The following KIF18A variants were observed in gnomAD, a reference collection of about 807,000 sequenced individuals.
The protein encoded by KIF18A is kinesin-like protein KIF18A.
Under a neutral mutation model 103.3 loss-of-function variants are expected in KIF18A, and 67 were observed. That is an observed-to-expected ratio of 0.65 (90% CI 0.53 to 0.79). The LOEUF (loss-of-function observed/expected upper bound fraction) is 0.79, where lower values mean the gene tolerates loss of function less well. KIF18A is among the 30% of genes least tolerant of loss of function. KIF18A has a pLI of 0.00. For missense variants in KIF18A, 1,032 were observed against 1,062.5 expected (o/e 0.97, Z 0.40); for synonymous variants, 367 against 355.5 (o/e 1.03, Z -0.36).
Position 28,069,387 on chromosome 11 carries a change from T to G in KIF18A, c.1462A>C (p.Lys488Gln). 6.2e-7 allele frequency: 1 copy of G among 1,613,756 alleles called. No individual in the cohort carries two copies. Among genetic ancestry groups the G allele is most frequent in the Non-Finnish European group, 8.5e-7 (1 of 1,179,814 alleles). ...GKRDHRLAMLKTRRSYLEKRR... is the reference protein window; with the variant it reads ...GKRDHRLAMLQTRRSYLEKRR... ...TTCTCCAGGTAGGAGCGACGAGTTT[T>G]CAACATTGCAAGTCTATGATCTCGT... The change falls in exon 11 of 17, where the codon AAA (lysine) becomes CAA (glutamine). Residue 488 changes from lysine (K) to glutamine (Q), a missense_variant. Physicochemically the swap from Lys to Gln is moderately conservative, Grantham distance 53. Transcript: ENST00000263181.
At chr11:28,078,217 T>C (rs939637600) in intron 9 of KIF18A, among the ~76,000 whole-genome samples, 4 of 152,096 alleles carry the variant, frequency 2.6e-5, no homozygotes, top group Non-Finnish European at 4.4e-5. Flanking sequence ...TGAAACTCTA[T>C]TGGGAATGAA....
chr11:28,107,117 C>T (rs1190590018), intron 1 of KIF18A, among the ~76,000 whole-genome samples: 2 of 152,116 alleles, frequency 1.3e-5, no homozygotes. Context: ...TAATAAGAAG[C>T]ACTATCTAGT....
rs1411118134 is a variant in KIF18A at position 28,106,827 on chromosome 11, C to T, written c.-47+1237G>A. On this transcript the variant is annotated intron_variant, in intron 1 of 16. Coordinates refer to ENST00000263181, the MANE Select transcript of KIF18A (RefSeq NM_031217.4). ...CTCTACCAAAGATACAAAAATTAGC[C>T]GAGTGTGGTGGCAAACGCCTGTAAT... is the stretch of plus-strand genomic sequence containing the variant. Among the ~76,000 whole-genome samples the T allele has an allele frequency of 4.6e-5, 7 of 151,852 alleles. No individual in the cohort carries two copies. In the East Asian group the frequency reaches 1.4e-3, roughly 30 times the overall value.
At chr11:28,045,328 A>G (rs1027278509) in intron 13 of KIF18A, among the ~76,000 whole-genome samples, 4 of 151,934 alleles carry the variant, frequency 2.6e-5, no homozygotes, top group Admixed American at 1.3e-4. Context: ...AAATATTTCA[A>G]TTCTCCAGGA....
In KIF18A at chr11:28,069,270, G is replaced by T. The variant is rs756186475; in HGVS notation, c.1579C>A (p.His527Asn). The change falls in exon 11 of 17, where the codon CAT (histidine) becomes AAT (asparagine). Residue 527 changes from histidine to asparagine, a missense_variant. Coordinates refer to ENST00000263181, the MANE Select transcript of KIF18A (RefSeq NM_031217.4). Reference protein sequence around the residue: ...KEMGLLSQNGHIPKELKKDLH... With the variant: ...KEMGLLSQNGNIPKELKKDLH... ...AGAGATATTTGTACCTTTGGAATAT[G>T]ACCGTTTTGACTTAAGAGTCCCATT... is the stretch of plus-strand genomic sequence containing the variant. 2 of 1,612,244 alleles carry T rather than the reference G, an allele frequency of 1.2e-6. No individual in the cohort carries two copies. The highest frequency in any genetic ancestry group is 2.2e-5 in the South Asian group (2 of 90,992).
chr11:28,047,746 C>G (rs1488327725), intron 13 of KIF18A, among the ~76,000 whole-genome samples: 1 of 152,074 alleles, frequency 6.6e-6, no homozygotes, highest in Non-Finnish European at 1.5e-5. Context: ...ATAAAACTTT[C>G]TTCACAGACT....
chr11:28,103,551 T>A (rs1004650139), intron 1 of KIF18A, among the ~76,000 whole-genome samples: 4 of 152,108 alleles, frequency 2.6e-5, no homozygotes, highest in Non-Finnish European at 5.9e-5. Flanking sequence ...ATGATTATTA[T>A]GCATGATTAG....
At chr11:28,096,293 G>T (rs1322365268) in intron 2 of KIF18A, among the ~76,000 whole-genome samples, 4 of 151,504 alleles carry the variant, frequency 2.6e-5, no homozygotes, top group Admixed American at 2.6e-4. Context: ...ATCATTATTG[G>T]TTGAAAATAT....
intron 13 of KIF18A, among the ~76,000 whole-genome samples, chr11:28,047,615 T>A (rs533566417): frequency 1.3e-5 from 2 of 152,192 alleles, no homozygotes; most frequent in African/African-American, 4.8e-5. Flanking sequence ...ATAGCAATTA[T>A]ATTTGTTGTT....
intron 9 of KIF18A, among the ~76,000 whole-genome samples, chr11:28,081,776 T>C (rs1171323382): frequency 6.6e-6 from 1 of 152,126 alleles, no homozygotes; most frequent in Non-Finnish European, 1.5e-5. Context: ...GATACTTTCT[T>C]TCATGGATCA....
intron 1 of KIF18A, among the ~76,000 whole-genome samples, chr11:28,099,060 C>T (rs1340374292): frequency 6.6e-6 from 1 of 152,046 alleles, no homozygotes; most frequent in Non-Finnish European, 1.5e-5. Context: ...ACATTATTCA[C>T]AATAACTAAG....
At chr11:28,038,382 C>G (rs1388252351) in intron 13 of KIF18A, among the ~76,000 whole-genome samples, 1 of 151,616 alleles carries the variant, frequency 6.6e-6, no homozygotes, top group Non-Finnish European at 1.5e-5. Flanking sequence ...TCTACTCTAC[C>G]TACTTCATTC....
chr11:28,047,057 A>G (rs1342169618), intron 13 of KIF18A, among the ~76,000 whole-genome samples: 2 of 47,136 alleles, frequency 4.2e-5, no homozygotes, highest in Non-Finnish European at 6.6e-5. Context: ...TTCGTCTCAG[A>G]AAAAAAAAAA....
intron 7 of KIF18A, chr11:28,084,372 G>GTACAAA (rs1851200579): frequency 6.4e-6 from 1 of 157,098 alleles, no homozygotes; most frequent in Non-Finnish European, 1.4e-5. Flanking sequence ...AAAGAGGTTA[G>GTACAAA]GGAGAAAGCC....
At chr11:28,049,065 G>A (rs1565075719) in intron 13 of KIF18A, among the ~76,000 whole-genome samples, 1 of 151,968 alleles carries the variant, frequency 6.6e-6, no homozygotes, top group Non-Finnish European at 1.5e-5. Context: ...AGTGTAGACT[G>A]CAGTGGAAAG....
In KIF18A at chr11:28,035,469, T is replaced by C; in HGVS notation, c.2422A>G (p.Lys808Glu). The C allele has an allele frequency of 1.3e-6, 2 of 1,595,404 alleles. No individual in the cohort carries two copies. The highest frequency in any genetic ancestry group is 1.1e-5 in the South Asian group (1 of 87,066). Residue 808 changes from lysine to glutamate, a missense_variant, in exon 15 of 17, where the codon AAG becomes GAG. Transcript: ENST00000263181. ...ATGCTTGGTACAGGCATAGAATGCT[T>C]AGTTGAGAATGAAGAAGGATCAAGC... ...QRLDPSSFST[K>E]HSMPVPSMVP...
chr11:28,023,603 TA>T (rs1850273254), intron 16 of KIF18A, 137 bp downstream of exon 16: 2 of 472,188 alleles, frequency 4.2e-6, no homozygotes, highest in Admixed American at 7.7e-5. Context: ...AATATGTGGA[TA>T]ATCATACTTG....
At chr11:28,075,280 C>T (rs1565084615) in intron 10 of KIF18A, among the ~76,000 whole-genome samples, 1 of 152,136 alleles carries the variant, frequency 6.6e-6, no homozygotes. Context: ...CATAAGAGCA[C>T]AGGCTCTAGA....
chr11:28,073,489 G>C (rs1362833265), intron 10 of KIF18A, among the ~76,000 whole-genome samples: 1 of 152,120 alleles, frequency 6.6e-6, no homozygotes. Flanking sequence ...TGCAGGCTCT[G>C]AAGCCAGACA....
Sources: gnomAD v4.1 joint callset for allele counts (sites outside exome capture counted in the v4.1 genomes callset) on GRCh38, gnomAD v4.1.1 for gene constraint, MANE v1.5 for transcripts, NCBI Gene and HGNC (gene_info 2026-07-23, HGNC 2026-07-21) for gene names.